The following ICE1 variants were observed in gnomAD, a reference collection of about 807,000 sequenced individuals.
ICE1 encodes the protein interactor of little elongation complex ELL subunit 1.
In ICE1, 64 loss-of-function variants were observed where a neutral mutation model predicts 192.7. The observed-to-expected ratio is 0.33, with a 90% CI of 0.27 to 0.41. ICE1 has a LOEUF of 0.41. Ranked by LOEUF, ICE1 falls within the 10% of genes least tolerant of loss-of-function variation. ICE1 has a pLI of 1.00. For missense variants in ICE1, 2,708 were observed against 2,696.0 expected, an observed-to-expected ratio of 1.00 and a Z score of -0.10; for synonymous variants, 1,010 against 984.5, an observed-to-expected ratio of 1.03 and a Z score of -0.49.
chr5:5,456,258 G>A (rs1170033111), intron 11 of ICE1, among the ~76,000 whole-genome samples: 1 of 152,152 alleles, frequency 6.6e-6, no homozygotes, highest in Non-Finnish European at 1.5e-5. Context: ...ATCAACTTGA[G>A]AAAGATTCTT....
chr5:5,423,631 A>G (rs1011252062), intron 1 of ICE1, among the ~76,000 whole-genome samples: 1 of 152,224 alleles, frequency 6.6e-6, no homozygotes, highest in African/African-American at 2.4e-5. Context: ...GCTCTTCTTT[A>G]GAGTGACATA....
intron 1 of ICE1, among the ~76,000 whole-genome samples, chr5:5,424,511 A>T (rs953745230): frequency 6.6e-5 from 10 of 152,112 alleles, no homozygotes; most frequent in Non-Finnish European, 1.0e-4. Context: ...CACTGCAATT[A>T]TGGCATTAGG....
rs374160046 is a variant in ICE1, at chr5:5,441,417, T to C, written c.309+194T>C. On this transcript the variant is annotated intron_variant, in intron 5 of 18. Coordinates refer to ENST00000296564, the MANE Select transcript of ICE1 (RefSeq NM_015325.3). ...TAGTCTTTACAGTGATTATTAGCTCTGCAATACTGTGTCAGTTGCTTATGC... is the reference window on the plus strand; with the variant it reads ...TAGTCTTTACAGTGATTATTAGCTCCGCAATACTGTGTCAGTTGCTTATGC... Among the ~76,000 whole-genome samples, 46 of 152,370 alleles carry C rather than the reference T, an allele frequency of 3.0e-4. 2 individuals are homozygous for C. The highest frequency in any genetic ancestry group is 1.1e-3 in the African/African-American group (46 of 41,592).
At position 5,462,498 on chromosome 5, in the gene ICE1, C is replaced by T. The variant is rs982961733; in HGVS notation, c.3164C>T (p.Thr1055Ile). Residue 1055 changes from threonine to isoleucine, a missense_variant, in exon 13 of 19, where the codon ACT (threonine) becomes ATT (isoleucine). By Grantham distance (89) the Thr-to-Ile change is moderately conservative (BLOSUM62 -1). Coordinates refer to ENST00000296564, the MANE Select transcript of ICE1 (RefSeq NM_015325.3). ...ANGLWKLKST[T>I]PGGALPECFG... is the part of the protein sequence containing the mutation. ...GGACTTTGGAAATTGAAATCTACAACTCCCGGTGGTGCTTTGCCTGAGTGT... is the reference window on the plus strand; with the variant it reads ...GGACTTTGGAAATTGAAATCTACAATTCCCGGTGGTGCTTTGCCTGAGTGT... 41 of 1,613,936 alleles carry T rather than the reference C, an allele frequency of 2.5e-5. No individual in the cohort carries two copies. Among genetic ancestry groups the T allele is most frequent in the Non-Finnish European group, 3.3e-5 (39 of 1,179,914 alleles).
intron 5 of ICE1, among the ~76,000 whole-genome samples, chr5:5,442,618 G>C (rs561833981): frequency 6.6e-6 from 1 of 152,250 alleles, no homozygotes; most frequent in African/African-American, 2.4e-5. Flanking sequence ...TGTAAAAAAG[G>C]AATAATGAAA....
rs1294848168 is a variant in ICE1, at chr5:5,443,196, A to C, written c.338A>C (p.His113Pro). 41 of 1,513,682 alleles carry C rather than the reference A, an allele frequency of 2.7e-5. No homozygotes were observed. The highest frequency in any genetic ancestry group is 3.5e-5 in the Non-Finnish European group (40 of 1,126,770). The allele number at this position is 1,513,682 out of a possible 1,614,324, so 93.8% of individuals were successfully genotyped here. A position where few individuals can be genotyped will look rare whatever the true frequency, so the allele number is the denominator to read the frequency against. Residue 113 changes from histidine (H) to proline (P), a missense_variant, in exon 6 of 19, where the codon CAT becomes CCT. Around this residue, in one of 2 missense-constraint regions of ICE1, gnomAD observed 2,366 missense variants for 2,276.6 expected, o/e 1.04. Transcript: ENST00000296564. Reference sequence around the variant, plus strand: ...TCTTTAAAGTTGTATCAGGATACTCATCAGGAATATGCTCGTGTAAAGGAA... The same window carrying C: ...TCTTTAAAGTTGTATCAGGATACTCCTCAGGAATATGCTCGTGTAAAGGAA... ...KSSLKLYQDT[H>P]QEYARVKEEC...
rs528434342 is a variant in ICE1 at position 5,464,664 on chromosome 5, G to A, written c.5330G>A (p.Arg1777Gln). The A allele has an allele frequency of 1.2e-6, 2 of 1,613,832 alleles. No homozygotes were observed. Reference sequence around the variant, plus strand: ...CTCAAAGGGAATATTCAACTCACACGAGGTCCGCCTGCTGACTGTAAGAAT... The same window carrying A: ...CTCAAAGGGAATATTCAACTCACACAAGGTCCGCCTGCTGACTGTAAGAAT... ...NILKGNIQLT[R>Q]GPPADCKNLP... Residue 1777 changes from arginine (R) to glutamine (Q), a missense_variant, in exon 13 of 19, where the codon CGA becomes CAA. Arg to Gln is a conservative substitution (Grantham distance 43). This residue lies in a region of ICE1 where 2,366 missense variants were observed against 2,276.6 expected (regional missense o/e 1.04). Coordinates refer to ENST00000296564, the MANE Select transcript of ICE1 (RefSeq NM_015325.3). The surrounding 1 kb of genome is among the most constrained non-coding windows in gnomAD (Gnocchi z 4.0).
intron 10 of ICE1, among the ~76,000 whole-genome samples, chr5:5,452,153 TG>T (rs1738439215): frequency 6.6e-6 from 1 of 151,764 alleles, no homozygotes; most frequent in Non-Finnish European, 1.5e-5. Flanking sequence ...GCATGCTTTT[TG>T]TTTGTTCCAT....
intron 13 of ICE1, 51 bp from the exon 14 acceptor site, chr5:5,466,283 T>C: frequency 2.0e-6 from 3 of 1,466,948 alleles, no homozygotes; most frequent in South Asian, 2.8e-5. Context: ...TTTGGTAGGC[T>C]GAAGATAAGT....
chr5:5,461,961 A>G lies in ICE1; in HGVS notation c.2627A>G (p.Glu876Gly). The G allele has an allele frequency of 6.2e-7, 1 of 1,613,970 alleles. No homozygotes were observed. The highest frequency in any genetic ancestry group is 8.5e-7 in the Non-Finnish European group (1 of 1,179,896). Residue 876 changes from glutamate to glycine, a missense_variant, in exon 13 of 19, where the codon GAA (glutamate) becomes GGA (glycine). Transcript: ENST00000296564. ...RPEKVQSAKLEHLRPHRVEPT... is the reference protein window; with the variant it reads ...RPEKVQSAKLGHLRPHRVEPT... Reference sequence around the variant, plus strand: ...GAAAAGGTTCAGAGTGCCAAATTGGAACACTTGAGGCCACATAGGGTTGAG... The same window carrying G: ...GAAAAGGTTCAGAGTGCCAAATTGGGACACTTGAGGCCACATAGGGTTGAG...
In ICE1 at chr5:5,464,800, A is replaced by T; in HGVS notation, c.5466A>T (p.Ser1822=). The change falls in exon 13 of 19, where the codon TCA becomes TCT. Residue 1822 remains serine (S), a synonymous_variant. Transcript: ENST00000296564. This position sits in a 1 kb window ranked among gnomAD's most constrained non-coding sequence, Gnocchi z 4.0. ...GTGGTGACTGTAACCAAGACAAGTCAAGAGATTTGGGGACTCAGCAGGATT... is the reference window on the plus strand; with the variant it reads ...GTGGTGACTGTAACCAAGACAAGTCTAGAGATTTGGGGACTCAGCAGGATT... ...SSGGDCNQDK[S]RDLGTQQDSS... is the part of the protein sequence containing the mutation. 2 of 1,613,806 alleles carry T rather than the reference A, an allele frequency of 1.2e-6. No individual in the cohort carries two copies. Among genetic ancestry groups the T allele is most frequent in the Non-Finnish European group, 1.7e-6 (2 of 1,179,804 alleles).
At chr5:5,423,048 C>A in intron 1 of ICE1, 49 bp downstream of exon 1, 1 of 1,261,524 alleles carries the variant, frequency 7.9e-7, no homozygotes, top group South Asian at 2.1e-5. Context: ...TCGGCTCGGC[C>A]GGCCGGGAGC....
In ICE1 at chr5:5,464,913, G is replaced by T; in HGVS notation, c.5579G>T (p.Arg1860Met). 1 of 1,613,404 alleles carries T rather than the reference G, an allele frequency of 6.2e-7. No individual in the cohort carries two copies. The highest frequency in any genetic ancestry group is 8.5e-7 in the Non-Finnish European group (1 of 1,179,612). Residue 1860 changes from arginine (R) to methionine (M), a missense_variant, in exon 13 of 19, where the codon AGG becomes ATG. By Grantham distance (91) the Arg-to-Met change is moderately conservative. This residue lies in a region of ICE1 where 2,366 missense variants were observed against 2,276.6 expected (regional missense o/e 1.04). Coordinates refer to ENST00000296564, the MANE Select transcript of ICE1 (RefSeq NM_015325.3). This position sits in a 1 kb window ranked among gnomAD's most constrained non-coding sequence, Gnocchi z 4.0. ...ACTGGGTCCCCAGAACCAGAAACCA[G>T]GGGAGTCACTGCAGAAGGAATCCAC... ...LDTGSPEPET[R>M]GVTAEGIHKN...
In ICE1 at chr5:5,461,898, C is replaced by T. The variant is rs746847859; in HGVS notation, c.2564C>T (p.Pro855Leu). The T allele has an allele frequency of 6.2e-7, 1 of 1,613,804 alleles. No individual in the cohort carries two copies. The highest frequency in any genetic ancestry group is 1.1e-5 in the South Asian group (1 of 91,064). ...VEFKTTASVL[P>L]NQVSVITKQT... ...TTCAAGACCACTGCATCGGTGTTGC[C>T]TAATCAAGTATCAGTTATCACAAAA... Residue 855 changes from proline to leucine, a missense_variant, in exon 13 of 19, where the codon CCT (proline) becomes CTT (leucine). Transcript: ENST00000296564.
chr5:5,440,110 G>A (rs1737995081), intron 4 of ICE1, among the ~76,000 whole-genome samples, 197 bp downstream of exon 4: 2 of 152,174 alleles, frequency 1.3e-5, no homozygotes, highest in Admixed American at 6.5e-5. Context: ...AAATGAATTT[G>A]TTACTAAGGT....
Position 5,422,879 on chromosome 5 carries a change from T to A in ICE1, c.-37T>A. 3 of 1,317,364 alleles carry A rather than the reference T, an allele frequency of 2.3e-6. No homozygotes were observed. The highest frequency in any genetic ancestry group is 1.9e-6 in the Non-Finnish European group (2 of 1,031,818). The allele number at this position is 1,317,364 out of a possible 1,614,324, so 81.6% of individuals were successfully genotyped here. A position where few individuals can be genotyped will look rare whatever the true frequency, so the allele number is the denominator to read the frequency against. ...GGACGGGGCCGACGCCGCGGGCCCC[T>A]GAGGCGTGCGTGCCCACCGGGCCCG... On this transcript the variant is annotated 5_prime_UTR_variant, in exon 1 of 19. It removes the in-frame stop codon of an upstream open reading frame in the 5' UTR. Transcript: ENST00000296564.
In ICE1 at chr5:5,464,625, G is replaced by C; in HGVS notation, c.5291G>C (p.Arg1764Pro). 6.2e-7 allele frequency: 1 copy of C among 1,612,644 alleles called. No individual in the cohort carries two copies. Among genetic ancestry groups the C allele is most frequent in the Non-Finnish European group, 8.5e-7 (1 of 1,179,226 alleles). The change falls in exon 13 of 19, where the codon CGG becomes CCG. Residue 1764 changes from arginine to proline, a missense_variant. By Grantham distance (103) the Arg-to-Pro change is moderately radical. Coordinates refer to ENST00000296564, the MANE Select transcript of ICE1 (RefSeq NM_015325.3). This position sits in a 1 kb window ranked among gnomAD's most constrained non-coding sequence, Gnocchi z 4.0. ...TATCCAGAGTTATCTGCCAGGGCCC[G>C]GACCCTCAACATCCTCAAAGGGAAT... is the stretch of plus-strand genomic sequence containing the variant. ...TMYPELSARA[R>P]TLNILKGNIQ...
At chr5:5,423,597 T>G (rs1737407181) in intron 1 of ICE1, among the ~76,000 whole-genome samples, 1 of 152,230 alleles carries the variant, frequency 6.6e-6, no homozygotes, top group African/African-American at 2.4e-5. Context: ...ATGCAGAGAC[T>G]GGAGGTTTCT....
In ICE1 at chr5:5,465,259, G is replaced by T. The variant is rs766305182; in HGVS notation, c.5892+33G>T. 34 of 1,422,662 alleles carry T rather than the reference G, an allele frequency of 2.4e-5. No individual in the cohort carries two copies. The East Asian group carries it at 8.4e-4, about 35-fold the overall frequency. 88.1% of individuals were successfully genotyped at this position (1,422,662 alleles called of 1,614,324 possible). On this transcript the variant is annotated intron_variant, in intron 13 of 18. Transcript: ENST00000296564. ...GCTGCTCTTTTCTAAGTGCATTAGGGATTACATGTCCTCAAAGACAGATGC... is the reference window on the plus strand; with the variant it reads ...GCTGCTCTTTTCTAAGTGCATTAGGTATTACATGTCCTCAAAGACAGATGC...
Sources: allele counts gnomAD v4.1 joint callset (sites outside exome capture counted in the v4.1 genomes callset), GRCh38; gene constraint gnomAD v4.1.1; regional missense constraint gnomAD v4.1.1; non-coding constraint Gnocchi (gnomAD v3.1); transcripts MANE v1.5; gene names NCBI Gene and HGNC (gene_info 2026-07-23, HGNC 2026-07-21).